The following FRYL variants were observed in gnomAD, a reference collection of about 807,000 sequenced individuals.
FRYL encodes protein furry homolog-like.
In FRYL, 150 loss-of-function variants were observed where a neutral mutation model predicts 351.2. The observed-to-expected ratio is 0.43, with a 90% CI of 0.37 to 0.49. FRYL has a LOEUF of 0.49. Ranked by LOEUF, FRYL falls within the 20% of genes least tolerant of loss-of-function variation. The pLI, the probability that FRYL is intolerant of heterozygous loss-of-function variation, is 0.00. For missense variants in FRYL, 3,036 were observed against 3,619.3 expected (o/e 0.84, Z 4.13); for synonymous variants, 1,153 against 1,257.1 (o/e 0.92, Z 1.75).
chr4:48,533,836 C>T (rs1021866684), intron 49 of FRYL, among the ~76,000 whole-genome samples: 2 of 152,174 alleles, frequency 1.3e-5, no homozygotes, highest in Non-Finnish European at 2.9e-5. Context: ...AAAAAAATCT[C>T]TAAAATGCAA....
intron 1 of FRYL, among the ~76,000 whole-genome samples, chr4:48,757,192 C>A (rs1467177233): frequency 2.6e-5 from 4 of 152,158 alleles, no homozygotes. Context: ...TGGCACAAGA[C>A]AAGGATGCCC....
intron 4 of FRYL, among the ~76,000 whole-genome samples, chr4:48,630,411 T>C (rs1752717231): frequency 6.6e-6 from 1 of 152,102 alleles, no homozygotes; most frequent in Non-Finnish European, 1.5e-5. Context: ...AATTTTAGAG[T>C]TTTTAAAATG....
chr4:48,609,832 T>TA lies in FRYL; in HGVS notation c.412-10dup, dbSNP rs551202315. Reference sequence around the variant, plus strand: ...ACAGGATGAACAGGAATCTAGAATTTAAAAAAATTATCAAGTAAGAGTTAA... The same window carrying TA: ...ACAGGATGAACAGGAATCTAGAATTTAAAAAAAATTATCAAGTAAGAGTTAA... On this transcript the variant is annotated splice_polypyrimidine_tract_variant and intron_variant, in intron 7 of 63. Coordinates refer to ENST00000358350, the MANE Select transcript of FRYL (RefSeq NM_015030.2). 114 of 1,486,610 alleles carry TA rather than the reference T, an allele frequency of 7.7e-5. No homozygotes were observed. In the Admixed American group the frequency reaches 1.9e-3, roughly 25 times the overall value. 92.1% of individuals were successfully genotyped at this position (1,486,610 alleles called of 1,614,324 possible).
intron 37 of FRYL, 79 bp downstream of exon 37, chr4:48,551,415 T>G: frequency 1.3e-6 from 1 of 783,680 alleles, no homozygotes; most frequent in East Asian, 2.8e-5. Flanking sequence ...CACATTTCAA[T>G]GCAGAAAATA....
At chr4:48,500,813 G>A (rs994080854) in intron 62 of FRYL, among the ~76,000 whole-genome samples, 9 of 152,116 alleles carry the variant, frequency 5.9e-5, no homozygotes, top group Non-Finnish European at 1.0e-4. Flanking sequence ...GGCTGGGCAC[G>A]GTGGCTTATG....
intron 28 of FRYL, among the ~76,000 whole-genome samples, chr4:48,566,587 C>G (rs1481055993): frequency 6.6e-6 from 1 of 152,052 alleles, no homozygotes; most frequent in Non-Finnish European, 1.5e-5. Flanking sequence ...GCTTAATGAC[C>G]CTGTTATAAA....
intron 4 of FRYL, among the ~76,000 whole-genome samples, chr4:48,628,494 T>C (rs1752316042): frequency 6.9e-6 from 1 of 145,706 alleles, no homozygotes; most frequent in Non-Finnish European, 1.5e-5. Context: ...GTAAAAAAAA[T>C]AGAACAAAGA....
chr4:48,510,441 A>T (rs1000663739), intron 58 of FRYL, among the ~76,000 whole-genome samples: 1 of 152,196 alleles, frequency 6.6e-6, no homozygotes, highest in African/African-American at 2.4e-5. Flanking sequence ...TTTAAACCTT[A>T]GTTCTTTAAA....
intron 32 of FRYL, 85 bp from the exon 33 acceptor site, chr4:48,561,721 A>C: frequency 9.2e-7 from 1 of 1,081,084 alleles, no homozygotes; most frequent in Non-Finnish European, 1.3e-6. Context: ...TTTTAAAAAA[A>C]CTCTTCTCCC....
intron 1 of FRYL, among the ~76,000 whole-genome samples, chr4:48,746,484 G>A (rs1476840515): frequency 6.6e-6 from 1 of 151,498 alleles, no homozygotes; most frequent in Non-Finnish European, 1.5e-5. Context: ...GGCGGAGCTT[G>A]CAGTGAGCCG....
At chr4:48,566,760 T>C (rs191753855) in intron 28 of FRYL, among the ~76,000 whole-genome samples, 298 of 152,344 alleles carry the variant, frequency 2.0e-3, no homozygotes, top group African/African-American at 6.6e-3. Flanking sequence ...AAAAATGTAA[T>C]TGTGTATATT....
chr4:48,535,385 G>A (rs1728643897), intron 48 of FRYL, among the ~76,000 whole-genome samples: 1 of 151,370 alleles, frequency 6.6e-6, no homozygotes, highest in African/African-American at 2.4e-5. Context: ...CACTGGACAT[G>A]GAAAAAAAAC....
intron 3 of FRYL, among the ~76,000 whole-genome samples, chr4:48,660,323 C>T (rs1760440243): frequency 6.6e-6 from 1 of 152,196 alleles, no homozygotes; most frequent in African/African-American, 2.4e-5. Flanking sequence ...GGCCTGACTG[C>T]TATCCTTTGA....
intron 11 of FRYL, 39 bp downstream of exon 11, chr4:48,605,702 A>G (rs1305735571): frequency 7.9e-7 from 1 of 1,265,520 alleles, no homozygotes. Context: ...AGGTTCTTGT[A>G]TAACACACAA....
chr4:48,713,509 CAA>C (rs1768360803), intron 1 of FRYL, among the ~76,000 whole-genome samples: 1 of 152,016 alleles, frequency 6.6e-6, no homozygotes, highest in Non-Finnish European at 1.5e-5. Flanking sequence ...CAAAAAAGAT[CAA>C]AAGAGACAAA....
chr4:48,762,592 T>C (rs749696107), intron 1 of FRYL, among the ~76,000 whole-genome samples: 1 of 152,234 alleles, frequency 6.6e-6, no homozygotes, highest in Non-Finnish European at 1.5e-5. Flanking sequence ...ATGTAACTTA[T>C]ACCTCTAAAG....
intron 29 of FRYL, 72 bp from the exon 30 acceptor site, chr4:48,565,115 G>T: frequency 1.3e-6 from 1 of 764,994 alleles, no homozygotes; most frequent in Non-Finnish European, 2.1e-6. Flanking sequence ...AATGAGAAGA[G>T]GCAAAATACT....
chr4:48,649,319 T>C (rs547488125), intron 3 of FRYL, among the ~76,000 whole-genome samples: 2 of 152,322 alleles, frequency 1.3e-5, no homozygotes, highest in South Asian at 2.1e-4. Flanking sequence ...TCTATGCAAA[T>C]ACAGTTTCTT....
intron 4 of FRYL, among the ~76,000 whole-genome samples, chr4:48,623,898 T>A (rs1428591401): frequency 6.6e-6 from 1 of 152,166 alleles, no homozygotes; most frequent in East Asian, 1.9e-4. Context: ...TTTATATGTA[T>A]GTAAAACTAT....
Sources: gnomAD v4.1 joint callset for allele counts (sites outside exome capture counted in the v4.1 genomes callset) on GRCh38, gnomAD v4.1.1 for gene constraint, MANE v1.5 for transcripts, NCBI Gene and HGNC (gene_info 2026-07-23, HGNC 2026-07-21) for gene names.